Variants in SLC28A3 observed in about 807,000 individuals in gnomAD.
The protein encoded by SLC28A3 is solute carrier family 28 member 3.
Under a neutral mutation model 84.2 loss-of-function variants are expected in SLC28A3, and 68 were observed. The ratio of observed to expected loss-of-function variants is 0.81; its 90% CI spans 0.66 to 0.99. The LOEUF is 0.99. Ranked by LOEUF, SLC28A3 falls within the 50% of genes least tolerant of loss-of-function variation. The pLI, the probability that SLC28A3 is intolerant of heterozygous loss-of-function variation, is 0.00. For synonymous variants in SLC28A3, 267 were observed against 303.6 expected, an observed-to-expected ratio of 0.88 and a Z score of 1.25; for missense variants, 712 against 841.5, an observed-to-expected ratio of 0.85 and a Z score of 1.90.
At chr9:84,292,499 C>CTG in intron 10 of SLC28A3, 169 bp downstream of exon 10, 1 of 510,910 alleles carries the variant, frequency 2.0e-6, no homozygotes, top group East Asian at 3.4e-5. Context: ...CTCTCTCTGT[C>CTG]TCTCTCTCTT....
intron 4 of SLC28A3, 146 bp downstream of exon 4, chr9:84,305,108 T>TA (rs1403741673): frequency 1.4e-6 from 1 of 695,462 alleles, no homozygotes; most frequent in Non-Finnish European, 2.4e-6. Context: ...CTTCTTGATT[T>TA]ACTTCTCTAC....
At chr9:84,319,890 A>G (rs956429353) in intron 1 of SLC28A3, among the ~76,000 whole-genome samples, 4 of 152,000 alleles carry the variant, frequency 2.6e-5, no homozygotes, top group African/African-American at 9.7e-5. Flanking sequence ...ACACGATATT[A>G]CTTAACCCCT....
chr9:84,278,464 G>C lies in SLC28A3; in HGVS notation c.1950-120C>G, dbSNP rs139404659. On this transcript the variant is annotated intron_variant, in intron 17 of 17. Coordinates refer to ENST00000376238, the MANE Select transcript of SLC28A3 (RefSeq NM_001199633.2). ...AGCTGATTTTCTTGCTCACATTCTG[G>C]TTAGGGTGGATTAAAGGACAGAGAC... The C allele has an allele frequency of 2.4e-3, 3,131 of 1,330,072 alleles. 69 individuals carry two copies. The East Asian group carries it at 0.048, about 21-fold the overall frequency. 82.4% of individuals were successfully genotyped at this position (1,330,072 alleles called of 1,614,324 possible).
chr9:84,301,323 C>G (rs1292578483), intron 5 of SLC28A3, among the ~76,000 whole-genome samples: 9 of 118,674 alleles, frequency 7.6e-5, no homozygotes, highest in African/African-American at 2.6e-4. Flanking sequence ...GCACTCCAGT[C>G]TGGGTGACAG....
At chr9:84,366,330 C>G in the SLC28A3 span, among the ~76,000 whole-genome samples, 1 of 152,118 alleles carries the variant, frequency 6.6e-6, no homozygotes, top group African/African-American at 2.4e-5. Context: ...CTCAACACAG[C>G]TATTTTGATT....
intron 17 of SLC28A3, 80 bp from the exon 18 acceptor site, chr9:84,278,424 T>C: frequency 1.3e-6 from 2 of 1,565,944 alleles, no homozygotes; most frequent in Non-Finnish European, 1.7e-6. Flanking sequence ...ACATTAAAAA[T>C]AGTTCAGGGC....
intron 1 of SLC28A3, among the ~76,000 whole-genome samples, chr9:84,325,080 A>C (rs978273473): frequency 6.6e-6 from 1 of 152,228 alleles, no homozygotes; most frequent in African/African-American, 2.4e-5. Flanking sequence ...GGATTTGAGA[A>C]ACCAAGATTT....
intron 12 of SLC28A3, among the ~76,000 whole-genome samples, chr9:84,287,014 G>T (rs571495206): frequency 1.3e-4 from 20 of 152,100 alleles, no homozygotes; most frequent in Non-Finnish European, 2.8e-4. Flanking sequence ...GACCAGTCTG[G>T]ACAACATGGT....
At chr9:84,286,871 T>C (rs559782322) in intron 12 of SLC28A3, among the ~76,000 whole-genome samples, 28 of 152,218 alleles carry the variant, frequency 1.8e-4, no homozygotes, top group African/African-American at 6.7e-4. Context: ...ATCATCCCCT[T>C]TCTATACAGT....
intron 1 of SLC28A3, among the ~76,000 whole-genome samples, chr9:84,324,674 T>C (rs1445681995): frequency 2.0e-5 from 3 of 151,632 alleles, no homozygotes; most frequent in African/African-American, 7.3e-5. Flanking sequence ...TCTTAAAAGC[T>C]AGTGAAACTG....
At chr9:84,334,333 G>T (rs983811995) in intron 1 of SLC28A3, among the ~76,000 whole-genome samples, 3 of 152,132 alleles carry the variant, frequency 2.0e-5, no homozygotes, top group African/African-American at 7.2e-5. Flanking sequence ...TATAAGCAAA[G>T]AATACATTTT....
intron 12 of SLC28A3, among the ~76,000 whole-genome samples, chr9:84,287,049 CAA>C (rs1031073158): frequency 2.6e-4 from 40 of 152,126 alleles, no homozygotes; most frequent in African/African-American, 9.2e-4. Flanking sequence ...ACAAAAAGTA[CAA>C]AAATTAGCTG....
intron 14 of SLC28A3, among the ~76,000 whole-genome samples, chr9:84,281,105 G>A (rs546259080): frequency 6.6e-6 from 1 of 152,006 alleles, no homozygotes; most frequent in Non-Finnish European, 1.5e-5. Flanking sequence ...CTCTACAAAG[G>A]GCTTATGATT....
intron 2 of SLC28A3, 101 bp from the exon 3 acceptor site, chr9:84,309,815 G>T: frequency 4.5e-6 from 4 of 880,446 alleles, no homozygotes; most frequent in Non-Finnish European, 7.2e-6. Flanking sequence ...CTTTCAATAG[G>T]TCCTTTTAAA....
chr9:84,331,273 A>G (rs1410546558), intron 1 of SLC28A3, among the ~76,000 whole-genome samples: 3 of 152,216 alleles, frequency 2.0e-5, no homozygotes, highest in African/African-American at 7.2e-5. Flanking sequence ...AGGAAGCTCC[A>G]GCCGAGCGCC....
chr9:84,282,416 A>G (rs570995696), intron 14 of SLC28A3, among the ~76,000 whole-genome samples: 173 of 152,332 alleles, frequency 1.1e-3, no homozygotes, highest in Non-Finnish European at 1.7e-3. Flanking sequence ...GATATAATTT[A>G]AAAATAATTA....
At chr9:84,294,033 T>C (rs1290704670) in intron 9 of SLC28A3, among the ~76,000 whole-genome samples, 162 bp downstream of exon 9, 1 of 152,202 alleles carries the variant, frequency 6.6e-6, no homozygotes, top group Non-Finnish European at 1.5e-5. Flanking sequence ...CATGGACACA[T>C]TTAGGATTGG....
intron 1 of SLC28A3, among the ~76,000 whole-genome samples, chr9:84,338,780 T>C (rs994797652): frequency 7.2e-5 from 11 of 152,154 alleles, no homozygotes; most frequent in Non-Finnish European, 1.3e-4. Flanking sequence ...TTTATGCTTT[T>C]CCCCCTCACT....
chr9:84,302,247 C>G lies in SLC28A3; in HGVS notation c.477G>C (p.Leu159=), dbSNP rs1279162401. The change falls in exon 5 of 18, where the codon CTG becomes CTC. Residue 159 remains leucine (L), a synonymous_variant. Coordinates refer to ENST00000376238, the MANE Select transcript of SLC28A3 (RefSeq NM_001199633.2). ...TGTTTAGAAGCCTTCTGCCAGGAGACAGCATCTCATCAATTCGATGTTCGT... is the reference window on the plus strand; with the variant it reads ...TGTTTAGAAGCCTTCTGCCAGGAGAGAGCATCTCATCAATTCGATGTTCGT... The part of the protein sequence containing the change: ...AKYEHRIDEM[L]SPGRRLLNSH... The G allele has an allele frequency of 4.3e-6, 7 of 1,614,176 alleles. No homozygotes were observed. The South Asian group carries it at 7.7e-5, about 18-fold the overall frequency.
Sources: allele counts gnomAD v4.1 joint callset (sites outside exome capture counted in the v4.1 genomes callset), GRCh38; gene constraint gnomAD v4.1.1; transcripts MANE v1.5; gene names NCBI Gene and HGNC (gene_info 2026-07-23, HGNC 2026-07-21).